The following SENP2 variants were observed in gnomAD, a reference collection of about 807,000 sequenced individuals.
SENP2 encodes sentrin-specific protease 2.
Under a neutral mutation model 86.3 loss-of-function variants are expected in SENP2, and 16 were observed. That is an observed-to-expected ratio of 0.19 (90% confidence interval 0.13 to 0.28). SENP2 has a LOEUF of 0.28. Ranked by LOEUF, SENP2 falls within the 10% of genes least tolerant of loss-of-function variation. The probability of loss-of-function intolerance (pLI) is 1.00; values close to 1 mark genes in which losing one functional copy is unlikely to be tolerated. For synonymous variants in SENP2, 222 were observed against 238.7 expected (o/e 0.93, Z 0.64); for missense variants, 552 against 703.0 (o/e 0.79, Z 2.43).
intron 15 of SENP2, 61 bp downstream of exon 15, chr3:185,624,143 A>G: frequency 8.4e-7 from 1 of 1,196,402 alleles, no homozygotes; most frequent in East Asian, 2.5e-5. Flanking sequence ...TATATTATCT[A>G]GATTTGGCTC....
rs1307379903 is a variant in SENP2 at position 185,632,208 on chromosome 3, C to T, written c.*2364C>T. ...AGTAGCAAATTATCACCATTAAAGCCAGTGGTTTTTTTTTTGTTTTTTTTT... is the reference window on the plus strand; with the variant it reads ...AGTAGCAAATTATCACCATTAAAGCTAGTGGTTTTTTTTTTGTTTTTTTTT... On this transcript the variant is annotated 3_prime_UTR_variant, in exon 17 of 17. Coordinates refer to ENST00000296257, the MANE Select transcript of SENP2 (RefSeq NM_021627.3). The T allele has an allele frequency of 4.8e-5, 7 of 146,020 alleles. No homozygotes were observed. The highest frequency in any genetic ancestry group is 1.0e-4 in the African/African-American group (4 of 39,464). 9.0% of individuals were successfully genotyped at this position (146,020 alleles called of 1,614,324 possible). A position where few individuals can be genotyped will look rare whatever the true frequency, so the allele number is the denominator to read the frequency against.
chr3:185,601,334 C>T (rs542599896), intron 5 of SENP2, among the ~76,000 whole-genome samples: 16 of 151,766 alleles, frequency 1.1e-4, no homozygotes, highest in South Asian at 6.3e-4. Context: ...CATGAGCCAC[C>T]GCACCTGGCC....
intron 11 of SENP2, among the ~76,000 whole-genome samples, chr3:185,617,193 T>C (rs1487513399): frequency 2.0e-5 from 3 of 152,080 alleles, no homozygotes; most frequent in Admixed American, 2.0e-4. Context: ...TCAGGGCTGG[T>C]GCAGTGGCTC....
At chr3:185,598,619 T>A in intron 3 of SENP2, 74 bp downstream of exon 3, 1 of 1,446,710 alleles carries the variant, frequency 6.9e-7, no homozygotes, top group Non-Finnish European at 9.4e-7. Context: ...AATTCTCTCT[T>A]CGAGAGTTAA....
At chr3:185,620,065 T>TA (rs1214073371) in intron 13 of SENP2, among the ~76,000 whole-genome samples, 2 of 149,580 alleles carry the variant, frequency 1.3e-5, no homozygotes, top group African/African-American at 4.9e-5. Flanking sequence ...TTTTTTTTTT[T>TA]AAATTTTTAT....
At chr3:185,629,100 T>C (rs1712291372) in intron 16 of SENP2, among the ~76,000 whole-genome samples, 1 of 152,190 alleles carries the variant, frequency 6.6e-6, no homozygotes, top group South Asian at 2.1e-4. Flanking sequence ...TTGTTTTTTA[T>C]TTAAATAAAT....
intron 16 of SENP2, among the ~76,000 whole-genome samples, chr3:185,628,505 TG>T (rs1238727460): frequency 4.0e-5 from 6 of 151,764 alleles, no homozygotes; most frequent in Non-Finnish European, 7.4e-5. Context: ...CTCAATAATG[TG>T]AACTTCTTTT....
chr3:185,618,699 A>T (rs536187593), intron 12 of SENP2, among the ~76,000 whole-genome samples: 76 of 152,274 alleles, frequency 5.0e-4, no homozygotes, highest in African/African-American at 1.8e-3. Flanking sequence ...TAACACGGTG[A>T]AACCCCGTCT....
chr3:185,611,331 A>G (rs940443011), intron 7 of SENP2, among the ~76,000 whole-genome samples: 1 of 152,098 alleles, frequency 6.6e-6, no homozygotes, highest in Non-Finnish European at 1.5e-5. Flanking sequence ...ATTTAAATAC[A>G]TAGCTTAAAA....
intron 5 of SENP2, among the ~76,000 whole-genome samples, chr3:185,602,236 T>A (rs2148985169): frequency 6.6e-6 from 1 of 152,290 alleles, no homozygotes; most frequent in Admixed American, 6.5e-5. Context: ...CACTTATATT[T>A]AGGAATGAGA....
chr3:185,618,909 T>G (rs776514491), intron 12 of SENP2, among the ~76,000 whole-genome samples: 1 of 152,166 alleles, frequency 6.6e-6, no homozygotes, highest in Non-Finnish European at 1.5e-5. Flanking sequence ...CAGAGATAAA[T>G]AAAATATTAT....
At chr3:185,587,183 AGTGCAGTG>A (rs1359850417) in intron 1 of SENP2, among the ~76,000 whole-genome samples, 1 of 152,056 alleles carries the variant, frequency 6.6e-6, no homozygotes, top group Admixed American at 6.6e-5. Flanking sequence ...CCCAGGCTGG[AGTGCAGTG>A]GTGCGATCTC....
Position 185,589,374 on chromosome 3 carries a change from A to T in SENP2, c.102-740A>T, listed in dbSNP as rs574355672. On this transcript the variant is annotated intron_variant, in intron 1 of 16. Transcript: ENST00000296257. Reference sequence around the variant, plus strand: ...TAAGGCTGTTCATATTAATACTGTCACCTAAAGTAAAAGATGGCTTTCTTT... The same window carrying T: ...TAAGGCTGTTCATATTAATACTGTCTCCTAAAGTAAAAGATGGCTTTCTTT... Among the ~76,000 whole-genome samples the T allele has an allele frequency of 2.9e-4, 44 of 152,348 alleles. 2 individuals are homozygous for T. In the South Asian group the frequency reaches 6.2e-3, roughly 22 times the overall value.
rs1274480802 is a variant in SENP2 at position 185,626,278 on chromosome 3, T to A, written c.1612-20T>A. 1 of 1,543,156 alleles carries A rather than the reference T, an allele frequency of 6.5e-7. No individual in the cohort carries two copies. The highest frequency in any genetic ancestry group is 1.7e-5 in the Admixed American group (1 of 58,890). On this transcript the variant is annotated intron_variant, in intron 15 of 16. Transcript: ENST00000296257. ...TGATGTTTTACCCTTTCCTCTCTTCTTTTTTCTTTGTAATTTTAGGAGATT... is the reference window on the plus strand; with the variant it reads ...TGATGTTTTACCCTTTCCTCTCTTCATTTTTCTTTGTAATTTTAGGAGATT...
chr3:185,609,172 C>A, intron 6 of SENP2, 75 bp from the exon 7 acceptor site: 2 of 938,590 alleles, frequency 2.1e-6, no homozygotes, highest in Non-Finnish European at 1.7e-6. Context: ...TAAAACACAC[C>A]TATGGTTTAC....
chr3:185,609,224 C>T (rs73175547), intron 6 of SENP2, 23 bp from the exon 7 acceptor site: 126,538 of 1,543,056 alleles, frequency 0.082, 6,025 homozygotes, highest in Middle Eastern at 0.12. Context: ...TGGTACTTAT[C>T]TAACATGCTT....
chr3:185,628,563 A>G (rs569670946), intron 16 of SENP2, among the ~76,000 whole-genome samples: 18 of 152,104 alleles, frequency 1.2e-4, no homozygotes, highest in South Asian at 4.2e-4. Context: ...CTGGAGTGCA[A>G]TGGCGCAATC....
intron 16 of SENP2, 98 bp downstream of exon 16, chr3:185,626,491 G>A: frequency 1.3e-6 from 1 of 786,900 alleles, no homozygotes; most frequent in East Asian, 2.6e-5. Context: ...AGTAGTAGCT[G>A]GCCAGGCGTG....
At chr3:185,590,093 T>G (rs770681861) in intron 1 of SENP2, 21 bp from the exon 2 acceptor site, 2 of 1,399,108 alleles carry the variant, frequency 1.4e-6, no homozygotes, top group African/African-American at 3.0e-5. Context: ...ATATATATAT[T>G]TTTTTCTTTC....
Sources: allele counts gnomAD v4.1 joint callset (sites outside exome capture counted in the v4.1 genomes callset), GRCh38; gene constraint gnomAD v4.1.1; transcripts MANE v1.5; gene names NCBI Gene and HGNC (gene_info 2026-07-23, HGNC 2026-07-21).